Variants in CHL1 observed in about 807,000 individuals in gnomAD.
The protein encoded by CHL1 is neural cell adhesion molecule L1-like protein.
CHL1 carries 96 observed loss-of-function variants against 141.9 expected under a neutral mutation model. That is an observed-to-expected ratio of 0.68 (90% CI 0.57 to 0.80). The LOEUF is 0.80. Ranked by LOEUF, CHL1 falls within the 30% of genes least tolerant of loss-of-function variation. The pLI, the probability that CHL1 is intolerant of heterozygous loss-of-function variation, is 0.00. For synonymous variants in CHL1, 613 were observed against 502.2 expected (o/e 1.22, Z -2.95); for missense variants, 1,820 against 1,457.2 (o/e 1.25, Z -4.05).
chr3:348,369 C>T (rs1702945619), intron 9 of CHL1, among the ~76,000 whole-genome samples: 1 of 152,118 alleles, frequency 6.6e-6, no homozygotes, highest in Non-Finnish European at 1.5e-5. Context: ...AAAAGTGTTG[C>T]ATCAATAAAA....
chr3:281,434 C>T lies in CHL1; in HGVS notation c.-95+36742C>T, dbSNP rs150324178. Among the ~76,000 whole-genome samples the T allele has an allele frequency of 8.7e-3, 1,328 of 152,198 alleles. 16 individuals are homozygous for T. The highest frequency in any genetic ancestry group is 0.03 in the African/African-American group (1,260 of 41,520). On this transcript the variant is annotated intron_variant, in intron 2 of 27. Coordinates refer to ENST00000256509, the MANE Select transcript of CHL1 (RefSeq NM_006614.4). The stretch of plus-strand genomic sequence containing the variant: ...ACTATTGGTAAAGTTGTGGTCATGT[C>T]GGTTCTCCTGGACTACCAGAGCCCA...
chr3:281,589 C>G (rs1277973855), intron 2 of CHL1, among the ~76,000 whole-genome samples: 2 of 148,938 alleles, frequency 1.3e-5, no homozygotes, highest in Non-Finnish European at 3.0e-5. Context: ...AGACAAAGTC[C>G]CACTCTGTCG....
intron 1 of CHL1, among the ~76,000 whole-genome samples, chr3:244,078 A>G (rs1478664181): frequency 6.6e-6 from 1 of 151,278 alleles, no homozygotes; most frequent in Admixed American, 6.6e-5. Flanking sequence ...TTTAAGAGAT[A>G]GGCGGCTTGG....
intron 7 of CHL1, 84 bp from the exon 8 acceptor site, chr3:342,900 G>T: frequency 8.9e-7 from 1 of 1,129,514 alleles, no homozygotes; most frequent in Non-Finnish European, 1.3e-6. Flanking sequence ...ATTTTTCTAA[G>T]ACAAAAATAT....
chr3:326,219 A>G (rs1235698480), intron 4 of CHL1, among the ~76,000 whole-genome samples, 155 bp downstream of exon 4: 2 of 152,044 alleles, frequency 1.3e-5, no homozygotes, highest in Middle Eastern at 3.4e-3. Flanking sequence ...CAAAAAAAAA[A>G]TTTGGTTATT....
chr3:300,672 T>C (rs1160837661), intron 2 of CHL1, among the ~76,000 whole-genome samples: 1 of 152,120 alleles, frequency 6.6e-6, no homozygotes, highest in Non-Finnish European at 1.5e-5. Context: ...GAGTTTATTG[T>C]CTAGTAAGAG....
intron 2 of CHL1, among the ~76,000 whole-genome samples, chr3:318,360 T>C (rs1700299399): frequency 6.6e-6 from 1 of 151,876 alleles, no homozygotes; most frequent in African/African-American, 2.4e-5. Context: ...GCTAACTTTT[T>C]TCACCAGTTC....
chr3:342,148 T>C (rs1702392862), intron 7 of CHL1, 66 bp downstream of exon 7: 5 of 1,427,888 alleles, frequency 3.5e-6, no homozygotes, highest in Non-Finnish European at 3.8e-6. Flanking sequence ...AATTTCCTTC[T>C]GGCTGAAGCC....
At chr3:303,376 C>T (rs1447802434) in intron 2 of CHL1, among the ~76,000 whole-genome samples, 1 of 152,172 alleles carries the variant, frequency 6.6e-6, no homozygotes, top group African/African-American at 2.4e-5. Flanking sequence ...TATCCATGAG[C>T]ATGGAATGCT....
At chr3:316,910 A>G (rs1700191354) in intron 2 of CHL1, among the ~76,000 whole-genome samples, 1 of 152,080 alleles carries the variant, frequency 6.6e-6, no homozygotes, top group African/African-American at 2.4e-5. Flanking sequence ...ATAAATGGGA[A>G]TATAATTTTA....
At chr3:302,794 T>G (rs954988106) in intron 2 of CHL1, among the ~76,000 whole-genome samples, 3 of 152,198 alleles carry the variant, frequency 2.0e-5, no homozygotes, top group African/African-American at 7.2e-5. Flanking sequence ...TTGCTTTTAG[T>G]GTTTTAGACA....
chr3:337,661 T>C (rs998827200), intron 5 of CHL1, among the ~76,000 whole-genome samples: 6 of 152,208 alleles, frequency 3.9e-5, no homozygotes, highest in East Asian at 1.9e-4. Context: ...ATGATGGTTT[T>C]CAGCTTCAAC....
chr3:359,144 C>T (rs890027853), intron 11 of CHL1, among the ~76,000 whole-genome samples: 1 of 151,656 alleles, frequency 6.6e-6, no homozygotes, highest in African/African-American at 2.4e-5. Context: ...TGTCATCCAA[C>T]TTCTCTGTAA....
rs1464535631 is a variant in CHL1, at chr3:315,868, AG to A, written c.-94-3814del. ...TAGAAGCAGAGGTTTAATAGGCAAA[AG>A]AAAGAGAAAGAAAGATAAAGGAAAA... On this transcript the variant is annotated intron_variant, in intron 2 of 27. Transcript: ENST00000256509. Among the ~76,000 whole-genome samples the A allele has an allele frequency of 2.0e-5, 3 of 152,038 alleles. No homozygotes were observed. In the East Asian group the frequency reaches 5.8e-4, roughly 29 times the overall value.
chr3:332,445 A>C (rs949331169), intron 5 of CHL1, among the ~76,000 whole-genome samples: 3 of 152,218 alleles, frequency 2.0e-5, no homozygotes, highest in African/African-American at 7.2e-5. Context: ...AGCACCTGAC[A>C]AAAAGGTGAT....
chr3:301,516 A>C (rs182354160), intron 2 of CHL1, among the ~76,000 whole-genome samples: 45 of 152,312 alleles, frequency 3.0e-4, no homozygotes, highest in African/African-American at 9.6e-4. Flanking sequence ...TGAATAATTC[A>C]ACACTTAATG....
chr3:210,035 A>C (rs965918466), intron 1 of CHL1, among the ~76,000 whole-genome samples: 5 of 152,238 alleles, frequency 3.3e-5, no homozygotes, highest in African/African-American at 1.2e-4. Flanking sequence ...CATATGGCTT[A>C]AAACTGTTTA....
intron 2 of CHL1, among the ~76,000 whole-genome samples, chr3:302,029 G>A (rs1370429513): frequency 6.6e-6 from 1 of 152,202 alleles, no homozygotes; most frequent in Non-Finnish European, 1.5e-5. Context: ...ATAGCTTGCT[G>A]AGAATGATGG....
At chr3:330,265 A>T (rs944283703) in intron 5 of CHL1, among the ~76,000 whole-genome samples, 4 of 152,168 alleles carry the variant, frequency 2.6e-5, no homozygotes, top group African/African-American at 9.6e-5. Context: ...TGGTAAGGAA[A>T]ATAGAATATA....
Sources: gnomAD v4.1 joint callset for allele counts (sites outside exome capture counted in the v4.1 genomes callset) on GRCh38, gnomAD v4.1.1 for gene constraint, MANE v1.5 for transcripts, NCBI Gene and HGNC (gene_info 2026-07-23, HGNC 2026-07-21) for gene names.